STX8: variants seen among roughly 807,000 people sequenced by gnomAD.
The protein encoded by STX8 is syntaxin 8.
In STX8, 23 loss-of-function variants were observed where a neutral mutation model predicts 37.5. The observed-to-expected ratio is 0.61, with a 90% CI of 0.44 to 0.87. The LOEUF is 0.87. STX8 is among the 40% of genes least tolerant of loss of function. The pLI, the probability that STX8 is intolerant of heterozygous loss-of-function variation, is 0.00. For missense variants in STX8, 313 were observed against 284.7 expected (o/e 1.10, Z -0.71); for synonymous variants, 115 against 99.1 (o/e 1.16, Z -0.95).
intron 6 of STX8, among the ~76,000 whole-genome samples, chr17:9,410,885 A>C (rs1388982129): frequency 6.6e-6 from 1 of 152,228 alleles, no homozygotes; most frequent in Non-Finnish European, 1.5e-5. Context: ...AATGATTACA[A>C]AGCAAAACCA....
chr17:9,262,188 T>C (rs964729032), intron 7 of STX8, among the ~76,000 whole-genome samples: 3 of 152,212 alleles, frequency 2.0e-5, no homozygotes, highest in East Asian at 3.8e-4. Flanking sequence ...CAAAAGACTA[T>C]GGGGTAGATC....
chr17:9,341,183 G>A (rs1910344925), intron 7 of STX8, among the ~76,000 whole-genome samples: 1 of 151,892 alleles, frequency 6.6e-6, no homozygotes, highest in South Asian at 2.1e-4. Flanking sequence ...AAGAGACTGC[G>A]ATATTGGGCC....
chr17:9,473,315 A>G (rs1293840543), intron 6 of STX8, among the ~76,000 whole-genome samples: 1 of 152,064 alleles, frequency 6.6e-6, no homozygotes, highest in African/African-American at 2.4e-5. Flanking sequence ...CACCGTGCCC[A>G]GCCATGTCTC....
At chr17:9,250,741 T>G in intron 7 of STX8, 96 bp from the exon 8 acceptor site, 1 of 1,278,328 alleles carries the variant, frequency 7.8e-7, no homozygotes, top group South Asian at 1.3e-5. Flanking sequence ...GGGATGTAGT[T>G]CCCTCTGAGC....
intron 7 of STX8, among the ~76,000 whole-genome samples, chr17:9,300,199 C>T (rs762863159): frequency 1.1e-4 from 17 of 151,866 alleles, no homozygotes; most frequent in Admixed American, 7.2e-4. Context: ...GGCATGGTGG[C>T]GCATGCCTGT....
intron 7 of STX8, among the ~76,000 whole-genome samples, chr17:9,258,748 G>C (rs1046782154): frequency 6.6e-6 from 1 of 152,188 alleles, no homozygotes; most frequent in South Asian, 2.1e-4. Flanking sequence ...TTCTTTCTCT[G>C]TATTGTGGGC....
intron 6 of STX8, among the ~76,000 whole-genome samples, chr17:9,430,667 T>TG (rs1430701560): frequency 7.9e-6 from 1 of 126,062 alleles, no homozygotes; most frequent in Non-Finnish European, 1.7e-5. Flanking sequence ...TTTTTTTTTT[T>TG]GAGACAGAGT....
intron 4 of STX8, among the ~76,000 whole-genome samples, chr17:9,511,738 G>C (rs1905023538): frequency 1.3e-5 from 2 of 151,858 alleles, no homozygotes; most frequent in Admixed American, 6.6e-5. Flanking sequence ...TCTTAGCCAT[G>C]GTAATCAGAC....
intron 6 of STX8, among the ~76,000 whole-genome samples, chr17:9,465,250 C>T (rs1905561004): frequency 6.6e-6 from 1 of 151,406 alleles, no homozygotes; most frequent in African/African-American, 2.4e-5. Context: ...GTGATTTAAA[C>T]AGCTCTAGTG....
intron 6 of STX8, among the ~76,000 whole-genome samples, chr17:9,474,465 C>T (rs937277408): frequency 3.3e-5 from 5 of 151,998 alleles, no homozygotes; most frequent in African/African-American, 4.8e-5. Flanking sequence ...CTCCGCCTCC[C>T]GGGTTCAAGT....
chr17:9,508,972 G>GA (rs1182147897), intron 4 of STX8, among the ~76,000 whole-genome samples: 13 of 152,174 alleles, frequency 8.5e-5, no homozygotes, highest in African/African-American at 2.4e-4. Context: ...AGAAGGACTG[G>GA]ATGTGGTGGC....
intron 6 of STX8, among the ~76,000 whole-genome samples, chr17:9,421,412 A>ATTTT (rs60518405): frequency 1.5e-5 from 1 of 65,158 alleles, no homozygotes. Context: ...AAAAAAAAAA[A>ATTTT]TTTTTTTTTT....
chr17:9,316,821 T>A (rs1162225828), intron 7 of STX8, among the ~76,000 whole-genome samples: 1 of 152,154 alleles, frequency 6.6e-6, no homozygotes, highest in East Asian at 1.9e-4. Context: ...TAGGGGACAG[T>A]CTTAGGGGCC....
intron 6 of STX8, among the ~76,000 whole-genome samples, chr17:9,392,695 A>G (rs757536766): frequency 2.6e-5 from 4 of 152,218 alleles, no homozygotes; most frequent in African/African-American, 7.2e-5. Flanking sequence ...AACAAAAAAT[A>G]TAGAGAAGAA....
At chr17:9,455,427 G>A (rs1597683837) in intron 6 of STX8, among the ~76,000 whole-genome samples, 1 of 150,908 alleles carries the variant, frequency 6.6e-6, no homozygotes, top group East Asian at 2.0e-4. Flanking sequence ...TTGAACCCAG[G>A]AGGCGGAGGT....
chr17:9,467,308 T>G (rs927815031), intron 6 of STX8: 1 of 152,166 alleles, frequency 6.6e-6, no homozygotes, highest in African/African-American at 2.4e-5. Context: ...ATTTGCCAAA[T>G]CCTAGAGGCT....
chr17:9,350,310 G>A (rs1469415661), intron 7 of STX8, among the ~76,000 whole-genome samples: 1 of 152,228 alleles, frequency 6.6e-6, no homozygotes, highest in African/African-American at 2.4e-5. Context: ...CTTATGAATT[G>A]TTTACTTCTG....
intron 4 of STX8, among the ~76,000 whole-genome samples, chr17:9,529,270 A>C (rs62066227): frequency 7.7e-6 from 1 of 129,816 alleles, no homozygotes; most frequent in African/African-American, 2.9e-5. Context: ...AGAGAGAGAG[A>C]GAGTGTGTGG....
intron 7 of STX8, among the ~76,000 whole-genome samples, chr17:9,317,487 C>A (rs781138048): frequency 6.6e-6 from 1 of 152,284 alleles, no homozygotes; most frequent in East Asian, 1.9e-4. Flanking sequence ...GGCTGTTGGC[C>A]GGGCGCGGTG....
Sources: gnomAD v4.1 joint callset for allele counts (sites outside exome capture counted in the v4.1 genomes callset) on GRCh38, gnomAD v4.1.1 for gene constraint, MANE v1.5 for transcripts, NCBI Gene and HGNC (gene_info 2026-07-23, HGNC 2026-07-21) for gene names.